Variants in PEX5L observed in about 807,000 individuals in gnomAD.
The protein encoded by PEX5L is PEX5-related protein.
In PEX5L, 30 loss-of-function variants were observed where a neutral mutation model predicts 84.0. The ratio of observed to expected loss-of-function variants is 0.36; its 90% CI spans 0.27 to 0.48. The LOEUF is 0.48. Among genes scored for constraint, PEX5L ranks in the 20% least tolerant of loss-of-function variants. The probability of loss-of-function intolerance (pLI) is 0.99; values close to 1 mark genes in which losing one functional copy is unlikely to be tolerated. For missense variants in PEX5L, 533 were observed against 754.6 expected, an observed-to-expected ratio of 0.71 and a Z score of 3.44; for synonymous variants, 270 against 283.1, an observed-to-expected ratio of 0.95 and a Z score of 0.46.
chr3:180,026,725 GC>G (rs1481267044), intron 1 of PEX5L, among the ~76,000 whole-genome samples: 1 of 152,102 alleles, frequency 6.6e-6, no homozygotes, highest in Non-Finnish European at 1.5e-5. Context: ...ATAAACGCAG[GC>G]TTAAAGAGAA....
At chr3:180,000,895 T>A (rs770917969) in intron 1 of PEX5L, among the ~76,000 whole-genome samples, 13 of 152,140 alleles carry the variant, frequency 8.5e-5, no homozygotes, top group Admixed American at 3.3e-4. Context: ...TCAGGAGATA[T>A]GTGTGGGTTC....
At chr3:180,011,962 A>T (rs1028919431) in intron 1 of PEX5L, among the ~76,000 whole-genome samples, 4 of 152,238 alleles carry the variant, frequency 2.6e-5, no homozygotes, top group Non-Finnish European at 4.4e-5. Context: ...GAAGCCATAA[A>T]ATTCAGTATC....
At chr3:179,973,251 T>C (rs919348156) in intron 1 of PEX5L, 24 of 1,288,748 alleles carry the variant, frequency 1.9e-5, no homozygotes, top group Non-Finnish European at 2.3e-5. Context: ...CTGTCAGACA[T>C]CCCAGAATTC....
At chr3:179,987,421 A>G (rs1315754738) in intron 1 of PEX5L, among the ~76,000 whole-genome samples, 2 of 152,180 alleles carry the variant, frequency 1.3e-5, no homozygotes, top group African/African-American at 2.4e-5. Flanking sequence ...GAAACTCAAT[A>G]TTGAAGTTTT....
intron 1 of PEX5L, among the ~76,000 whole-genome samples, chr3:179,976,905 A>G (rs1785855172): frequency 6.6e-6 from 1 of 152,240 alleles, no homozygotes; most frequent in South Asian, 2.1e-4. Flanking sequence ...AGAAAAAAAA[A>G]GTGAAAATAT....
rs557917076 is a variant in PEX5L, at chr3:179,897,113, G to A, written c.198+1029C>T. The stretch of plus-strand genomic sequence containing the variant: ...TTTAGAATAAAGTAAAACCACACAT[G>A]TTGGCAGCAGCTGGGGATGAGATCC... On this transcript the variant is annotated intron_variant, in intron 3 of 14. Coordinates refer to ENST00000467460, the MANE Select transcript of PEX5L (RefSeq NM_016559.3). 1.6e-4 allele frequency among the ~76,000 whole-genome samples: 25 copies of A among 152,176 alleles called. No individual in the cohort carries two copies. In the East Asian group the frequency reaches 4.2e-3, roughly 26 times the overall value.
Position 179,801,660 on chromosome 3 carries a change from T to A in PEX5L, c.*168A>T, listed in dbSNP as rs1324173652. ...ATATACAACATTTTGTGCTTTTGGA[T>A]CTGAACAGAGACTGGGCATTGTCCA... On this transcript the variant is annotated 3_prime_UTR_variant, in exon 15 of 15. Transcript: ENST00000467460. 3.4e-5 allele frequency: 21 copies of A among 609,998 alleles called. No homozygotes were observed. The highest frequency in any genetic ancestry group is 6.1e-5 in the Non-Finnish European group (21 of 344,420). 37.8% of individuals were successfully genotyped at this position (609,998 alleles called of 1,614,324 possible).
intron 2 of PEX5L, among the ~76,000 whole-genome samples, chr3:179,953,572 T>C (rs1051988842): frequency 1.3e-5 from 2 of 152,154 alleles, no homozygotes; most frequent in South Asian, 2.1e-4. Context: ...CAATTTAACA[T>C]TAAAAGATTT....
chr3:180,029,896 T>C (rs984553830), intron 1 of PEX5L, among the ~76,000 whole-genome samples: 9 of 152,222 alleles, frequency 5.9e-5, no homozygotes, highest in Admixed American at 2.6e-4. Context: ...AGGATGGGCA[T>C]GCACGTTACA....
At chr3:179,980,233 AT>A (rs1044647505) in intron 1 of PEX5L, among the ~76,000 whole-genome samples, 2 of 152,114 alleles carry the variant, frequency 1.3e-5, no homozygotes, top group African/African-American at 4.8e-5. Flanking sequence ...AAAGTTATTT[AT>A]TTTTAAGCTA....
At chr3:179,877,752 C>A (rs1156465120) in intron 5 of PEX5L, among the ~76,000 whole-genome samples, 1 of 152,118 alleles carries the variant, frequency 6.6e-6, no homozygotes, top group Non-Finnish European at 1.5e-5. Context: ...GCCACTGCAC[C>A]CAATCAATGT....
chr3:179,984,763 G>A (rs1435138602), intron 1 of PEX5L, among the ~76,000 whole-genome samples: 1 of 152,034 alleles, frequency 6.6e-6, no homozygotes, highest in East Asian at 1.9e-4. Context: ...ATGATAAATA[G>A]CTCTCTGTTG....
At chr3:179,918,820 G>T (rs1768193595) in intron 2 of PEX5L, among the ~76,000 whole-genome samples, 1 of 151,940 alleles carries the variant, frequency 6.6e-6, no homozygotes, top group Non-Finnish European at 1.5e-5. Flanking sequence ...ATTTTCAATG[G>T]TATAAGTGCT....
chr3:179,885,664 G>A lies in PEX5L; in HGVS notation c.310+2009C>T, dbSNP rs13099005. 4.0e-5 allele frequency among the ~76,000 whole-genome samples: 6 copies of A among 151,226 alleles called. No individual in the cohort carries two copies. In the South Asian group the frequency reaches 8.4e-4, roughly 21 times the overall value. On this transcript the variant is annotated intron_variant, in intron 4 of 14. Transcript: ENST00000467460. Reference sequence around the variant, plus strand: ...CCGTCTCAGAAAAAAAAAAAAAAGCGGGGGGTGGAAATTTGGACACAGAGA... The same window carrying A: ...CCGTCTCAGAAAAAAAAAAAAAAGCAGGGGGTGGAAATTTGGACACAGAGA...
intron 9 of PEX5L, among the ~76,000 whole-genome samples, chr3:179,816,775 ATTAT>A (rs1328329765): frequency 6.6e-6 from 1 of 152,098 alleles, no homozygotes; most frequent in Non-Finnish European, 1.5e-5. Flanking sequence ...TTGATTAATT[ATTAT>A]TTATTTTAAA....
intron 2 of PEX5L, among the ~76,000 whole-genome samples, chr3:179,922,651 A>G (rs1468271235): frequency 1.3e-5 from 2 of 151,704 alleles, no homozygotes; most frequent in African/African-American, 4.8e-5. Context: ...ACGGGGTCTC[A>G]CCATGTTGAC....
chr3:179,887,533 T>C, intron 4 of PEX5L, 140 bp downstream of exon 4: 2 of 640,850 alleles, frequency 3.1e-6, no homozygotes. Flanking sequence ...TATTGGTTTA[T>C]GCTAAATAGT....
chr3:179,869,542 T>A (rs532009043), intron 7 of PEX5L, among the ~76,000 whole-genome samples: 3 of 152,192 alleles, frequency 2.0e-5, no homozygotes, highest in Non-Finnish European at 4.4e-5. Context: ...CCCCAAAACA[T>A]GGCACTTGGA....
At chr3:179,965,271 G>C (rs1340074515) in intron 2 of PEX5L, among the ~76,000 whole-genome samples, 1 of 152,196 alleles carries the variant, frequency 6.6e-6, no homozygotes, top group Non-Finnish European at 1.5e-5. Context: ...GAGTTACAGA[G>C]GAAAAAGTCC....
Sources: allele counts gnomAD v4.1 joint callset (sites outside exome capture counted in the v4.1 genomes callset), GRCh38; gene constraint gnomAD v4.1.1; transcripts MANE v1.5; gene names NCBI Gene and HGNC (gene_info 2026-07-23, HGNC 2026-07-21).